The following RAD51AP1 variants were observed in gnomAD, a reference collection of about 807,000 sequenced individuals.
RAD51AP1 encodes RAD51-associated protein 1.
RAD51AP1 carries 14 observed loss-of-function variants against 34.3 expected under a neutral mutation model. That is an observed-to-expected ratio of 0.41 (90% confidence interval 0.27 to 0.64). The LOEUF (loss-of-function observed/expected upper bound fraction) is 0.64. Ranked by LOEUF, RAD51AP1 falls within the 30% of genes least tolerant of loss-of-function variation. The pLI is 0.33. For missense variants in RAD51AP1, 348 were observed against 386.9 expected (o/e 0.90, Z 0.84); for synonymous variants, 114 against 129.8 (o/e 0.88, Z 0.83).
At chr12:4,540,584 G>A (rs1591769152) in intron 1 of RAD51AP1, among the ~76,000 whole-genome samples, 1 of 150,960 alleles carries the variant, frequency 6.6e-6, no homozygotes. Flanking sequence ...TTTCAGTTAA[G>A]AATATGCTTG....
intron 6 of RAD51AP1, among the ~76,000 whole-genome samples, chr12:4,550,215 A>G (rs1367830396): frequency 6.6e-6 from 1 of 152,204 alleles, no homozygotes; most frequent in Admixed American, 6.5e-5. Flanking sequence ...CAATTGACTG[A>G]CGAAGATTAG....
intron 1 of RAD51AP1, 22 bp from the exon 2 acceptor site, chr12:4,541,862 A>C (rs755667215): frequency 7.2e-7 from 1 of 1,390,660 alleles, no homozygotes; most frequent in African/African-American, 1.5e-5. Flanking sequence ...GTGTTAATGA[A>C]AAAATTCTGT....
At chr12:4,544,197 C>T (rs569793363) in intron 3 of RAD51AP1, among the ~76,000 whole-genome samples, 15 of 152,084 alleles carry the variant, frequency 9.9e-5, no homozygotes, top group African/African-American at 2.9e-4. Flanking sequence ...TCAAATCATA[C>T]GAGACTACTT....
chr12:4,556,291 T>C (rs561163702), intron 7 of RAD51AP1, 62 bp from the exon 8 acceptor site: 3 of 1,216,414 alleles, frequency 2.5e-6, no homozygotes, highest in East Asian at 4.7e-5. Flanking sequence ...TTTACACATA[T>C]ATGCTAGACT....
intron 8 of RAD51AP1, 138 bp from the exon 9 acceptor site, chr12:4,558,719 T>C: frequency 2.0e-6 from 2 of 1,000,468 alleles, no homozygotes; most frequent in Non-Finnish European, 2.9e-6. Flanking sequence ...TCTGTTCTTT[T>C]GATCTAGTTT....
At chr12:4,546,149 GTCTTA>G (rs57122193) in intron 3 of RAD51AP1, among the ~76,000 whole-genome samples, 155 bp from the exon 4 acceptor site, 20,879 of 152,092 alleles carry the variant, frequency 0.14, 1,753 homozygotes, top group African/African-American at 0.24. Context: ...CATTTTAGGA[GTCTTA>G]TCTTATCATC....
intron 7 of RAD51AP1, among the ~76,000 whole-genome samples, chr12:4,554,368 C>G (rs898151950): frequency 2.0e-5 from 3 of 152,272 alleles, no homozygotes; most frequent in Non-Finnish European, 4.4e-5. Flanking sequence ...GTGTAATTTC[C>G]CCATCTAAGA....
rs1206994616 is a variant in RAD51AP1 at position 4,552,969 on chromosome 12, ATCT to A, written c.557-10_557-8del. On this transcript the variant is annotated splice_polypyrimidine_tract_variant and intron_variant, in intron 6 of 8. Coordinates refer to ENST00000352618, the MANE Select transcript of RAD51AP1 (RefSeq NM_006479.5). ...TTTTAGAGCAAAGATGAACTATATAATCTTCTGTTTTAGGTGAAGATTCTGAGG... is the reference window on the plus strand; with the variant it reads ...TTTTAGAGCAAAGATGAACTATATAATCTGTTTTAGGTGAAGATTCTGAGG... The A allele has an allele frequency of 4.5e-6, 7 of 1,561,236 alleles. No individual in the cohort carries two copies. Among genetic ancestry groups the A allele is most frequent in the Admixed American group, 2.1e-5 (1 of 47,648 alleles).
intron 1 of RAD51AP1, among the ~76,000 whole-genome samples, chr12:4,539,444 A>G (rs71459907): frequency 0.12 from 18,192 of 152,148 alleles, 1,249 homozygotes; most frequent in African/African-American, 0.18. Context: ...CGATTCTTCT[A>G]TTTACACAGT....
At chr12:4,557,014 C>T (rs536473932) in intron 8 of RAD51AP1, among the ~76,000 whole-genome samples, 3 of 152,316 alleles carry the variant, frequency 2.0e-5, no homozygotes, top group Non-Finnish European at 4.4e-5. Flanking sequence ...AGCCAAGTCT[C>T]ATGGATCCTT....
At chr12:4,542,928 G>A (rs1944478911) in intron 2 of RAD51AP1, among the ~76,000 whole-genome samples, 1 of 152,172 alleles carries the variant, frequency 6.6e-6, no homozygotes, top group Non-Finnish European at 1.5e-5. Flanking sequence ...TAGGATCTTA[G>A]GAAGATCATT....
Position 4,552,983 on chromosome 12 carries a change from G to T in RAD51AP1, c.557G>T (p.Gly186Val), listed in dbSNP as rs1944556617. 7 of 1,576,620 alleles carry T rather than the reference G, an allele frequency of 4.4e-6. No homozygotes were observed. The highest frequency in any genetic ancestry group is 6.0e-6 in the Non-Finnish European group (7 of 1,167,796). ...TGAACTATATAATCTTCTGTTTTAGGTGAAGATTCTGAGGATGATTCTGAT... is the reference window on the plus strand; with the variant it reads ...TGAACTATATAATCTTCTGTTTTAGTTGAAGATTCTGAGGATGATTCTGAT... ...ANDTEPDFAPGEDSEDDSDFC... is the reference protein window; with the variant it reads ...ANDTEPDFAPVEDSEDDSDFC... The change falls in exon 7 of 9, where the codon GGT becomes GTT. Residue 186 changes from glycine to valine, a missense_variant and splice_region_variant. Gly to Val is a moderately radical substitution (Grantham distance 109). Coordinates refer to ENST00000352618, the MANE Select transcript of RAD51AP1 (RefSeq NM_006479.5).
At chr12:4,546,159 A>G in intron 3 of RAD51AP1, 150 bp from the exon 4 acceptor site, 1 of 607,314 alleles carries the variant, frequency 1.6e-6, no homozygotes, top group Non-Finnish European at 2.9e-6. Flanking sequence ...GTCTTATCTT[A>G]TCATCAAAGG....
rs1389757627 is a variant in RAD51AP1, at chr12:4,556,209, ATTC to A, written c.722-141_722-139del. On this transcript the variant is annotated intron_variant, in intron 7 of 8. Transcript: ENST00000352618. ...ATATTAATGCTCATAAAAGATGGCT[ATTC>A]TTAGGCTCTCAATAAATGTTTGTTG... 1.2e-5 allele frequency: 8 copies of A among 670,118 alleles called. No homozygotes were observed. The African/African-American group carries it at 1.3e-4, about 11-fold the overall frequency. The allele number at this position is 670,118 out of a possible 1,614,324, so 41.5% of individuals were successfully genotyped here. A position where few individuals can be genotyped will look rare whatever the true frequency, so the allele number is the denominator to read the frequency against.
chr12:4,556,241 A>T, intron 7 of RAD51AP1, 112 bp from the exon 8 acceptor site: 1 of 827,100 alleles, frequency 1.2e-6, no homozygotes, highest in South Asian at 1.6e-5. Context: ...TTTGTTGATT[A>T]ATAAGTTTAT....
In RAD51AP1 at chr12:4,556,458, G is replaced by A. The variant is rs138705865; in HGVS notation, c.827G>A (p.Arg276His). Residue 276 changes from arginine to histidine, a missense_variant, in exon 8 of 9, where the codon CGC becomes CAC. Physicochemically the swap from Arg to His is conservative, Grantham distance 29. Transcript: ENST00000352618. ...SDTTRKPLEI[R>H]SPSAESKKPK... Reference sequence around the variant, plus strand: ...ACCACTAGGAAACCATTAGAAATACGCAGTCCTTCAGCTGAAAGCAAGAAA... The same window carrying A: ...ACCACTAGGAAACCATTAGAAATACACAGTCCTTCAGCTGAAAGCAAGAAA... 24 of 1,613,334 alleles carry A rather than the reference G, an allele frequency of 1.5e-5. No individual in the cohort carries two copies. The highest frequency in any genetic ancestry group is 1.6e-4 in the Middle Eastern group (1 of 6,082).
intron 7 of RAD51AP1, among the ~76,000 whole-genome samples, chr12:4,553,473 G>T (rs540195085): frequency 1.3e-5 from 2 of 152,300 alleles, no homozygotes; most frequent in South Asian, 4.1e-4. Flanking sequence ...CATCTAATAG[G>T]TGAAGGGCTA....
intron 8 of RAD51AP1, among the ~76,000 whole-genome samples, chr12:4,557,573 A>G (rs1944591296): frequency 6.6e-6 from 1 of 152,244 alleles, no homozygotes; most frequent in Non-Finnish European, 1.5e-5. Context: ...TACTTAGTAT[A>G]TTTCTAAAAA....
Position 4,556,510 on chromosome 12 carries a change from A to G in RAD51AP1, c.871+8A>G, listed in dbSNP as rs1944584244. 3.1e-6 allele frequency: 5 copies of G among 1,610,942 alleles called. No individual in the cohort carries two copies. The highest frequency in any genetic ancestry group is 4.2e-6 in the Non-Finnish European group (5 of 1,178,238). Reference sequence around the variant, plus strand: ...CTAAATGGGTCCCACCAGGTATGGCATATTTATCATCAAGGACAGGAGCTT... The same window carrying G: ...CTAAATGGGTCCCACCAGGTATGGCGTATTTATCATCAAGGACAGGAGCTT... On this transcript the variant is annotated splice_region_variant and intron_variant, in intron 8 of 8. Coordinates refer to ENST00000352618, the MANE Select transcript of RAD51AP1 (RefSeq NM_006479.5).
Sources: gnomAD v4.1 joint callset for allele counts (sites outside exome capture counted in the v4.1 genomes callset) on GRCh38, gnomAD v4.1.1 for gene constraint, MANE v1.5 for transcripts, NCBI Gene and HGNC (gene_info 2026-07-23, HGNC 2026-07-21) for gene names.